The following COMP variants were observed in gnomAD, a reference collection of about 807,000 sequenced individuals.
The protein encoded by COMP is cartilage oligomeric matrix protein (pseudoachondroplasia, epiphyseal dysplasia 1, multiple).
COMP carries 79 observed loss-of-function variants against 95.8 expected under a neutral mutation model. The observed-to-expected ratio is 0.82, with a 90% CI of 0.69 to 0.99. The LOEUF (loss-of-function observed/expected upper bound fraction) is 0.99. COMP is among the 50% of genes least tolerant of loss of function. The probability of loss-of-function intolerance (pLI) is 0.00; values close to 1 mark genes in which losing one functional copy is unlikely to be tolerated. For synonymous variants in COMP, 438 were observed against 433.9 expected, an observed-to-expected ratio of 1.01 and a Z score of -0.12; for missense variants, 906 against 1,076.1, an observed-to-expected ratio of 0.84 and a Z score of 2.21.
chr19:18,790,181 T>A (rs1472241643), intron 3 of COMP, 67 bp from the exon 4 acceptor site: 5 of 1,253,952 alleles, frequency 4.0e-6, no homozygotes, highest in Admixed American at 2.4e-5. Context: ...GAGCCTATCA[T>A]GGCCACGCCC....
rs1349421339 is a variant in COMP, at chr19:18,789,553, G to A, written c.391-256C>T. 1.3e-5 allele frequency among the ~76,000 whole-genome samples: 2 copies of A among 152,044 alleles called. No individual in the cohort carries two copies. Among genetic ancestry groups the A allele is most frequent in the African/African-American group, 4.8e-5 (2 of 41,394 alleles). On this transcript the variant is annotated intron_variant, in intron 4 of 18. Coordinates refer to ENST00000222271, the MANE Select transcript of COMP (RefSeq NM_000095.3). The surrounding 1 kb of genome is among the most constrained non-coding windows in gnomAD (Gnocchi z 6.1). ...GAGGGCGGGCATCCCCAGCAGAGGG[G>A]GGCAGGGGTCGTCGGGGCGTGCGTG...
chr19:18,786,414 G>C (rs2055167695), intron 11 of COMP, 118 bp downstream of exon 11: 3 of 1,533,888 alleles, frequency 2.0e-6, no homozygotes, highest in East Asian at 2.3e-5. Context: ...CAGGCTGCTC[G>C]GACCGAGAGG....
chr19:18,784,082 A>G lies in COMP; in HGVS notation c.2087+109T>C, dbSNP rs765778660. The G allele has an allele frequency of 5.8e-5, 72 of 1,240,882 alleles. No homozygotes were observed. The highest frequency in any genetic ancestry group is 3.3e-5 in the Non-Finnish European group (28 of 848,066). 76.9% of individuals were successfully genotyped at this position (1,240,882 alleles called of 1,614,324 possible). On this transcript the variant is annotated intron_variant, in intron 17 of 18. Coordinates refer to ENST00000222271, the MANE Select transcript of COMP (RefSeq NM_000095.3). The surrounding 1 kb of genome is among the most constrained non-coding windows in gnomAD (Gnocchi z 4.9). The stretch of plus-strand genomic sequence containing the variant: ...ATTCTAACTGCCCTGTATCTTTCCT[A>G]TCGTACAGATGAGGGGACCAGGGTC...
chr19:18,785,555 GTCAAAGA>G lies in COMP; in HGVS notation c.1669-16_1669-10del. The G allele has an allele frequency of 1.2e-6, 2 of 1,614,012 alleles. No individual in the cohort carries two copies. Among genetic ancestry groups the G allele is most frequent in the Non-Finnish European group, 1.7e-6 (2 of 1,180,018 alleles). ...TGCACGATCTCCCTTCCCTGATGGG[GTCAAAGA>G]AAGGAGGGCCTCAGGCTGGCCGTGA... On this transcript the variant is annotated splice_polypyrimidine_tract_variant and intron_variant, in intron 14 of 18. Transcript: ENST00000222271.
At position 18,789,924 on chromosome 19, in the gene COMP, G is replaced by C. The variant is rs2055199371; in HGVS notation, c.390+18C>G. 12 of 1,593,740 alleles carry C rather than the reference G, an allele frequency of 7.5e-6. No individual in the cohort carries two copies. The highest frequency in any genetic ancestry group is 1.0e-5 in the Non-Finnish European group (12 of 1,178,342). ...TAGAGGGAGTCGTCAGGGCGGTGGA[G>C]TGTCGGGGCTAGCGCACCTCGTTGA... On this transcript the variant is annotated intron_variant, in intron 4 of 18. Transcript: ENST00000222271. The surrounding 1 kb of genome is among the most constrained non-coding windows in gnomAD (Gnocchi z 6.1).
chr19:18,790,521 C>G, intron 3 of COMP, 41 bp downstream of exon 3: 1 of 1,611,534 alleles, frequency 6.2e-7, no homozygotes. Flanking sequence ...GTGTCTCTGT[C>G]TCCCGTCTCT....
Position 18,789,806 on chromosome 19 carries a change from C to T in COMP, c.390+136G>A, listed in dbSNP as rs958976223. On this transcript the variant is annotated intron_variant, in intron 4 of 18. Transcript: ENST00000222271. This position sits in a 1 kb window ranked among gnomAD's most constrained non-coding sequence, Gnocchi z 6.1. ...CGTCCCCCCGCGGTAAGGAGGTAGT[C>T]TGGCCGTGCGCCCCCGGAGGTGAGA... The T allele has an allele frequency of 4.4e-6, 5 of 1,145,576 alleles. No homozygotes were observed. Among genetic ancestry groups the T allele is most frequent in the Non-Finnish European group, 6.3e-6 (5 of 793,154 alleles). 71.0% of individuals were successfully genotyped at this position (1,145,576 alleles called of 1,614,324 possible). A position where few individuals can be genotyped will look rare whatever the true frequency, so the allele number is the denominator to read the frequency against.
At chr19:18,785,943 G>T in intron 13 of COMP, 22 bp downstream of exon 13, 2 of 1,041,472 alleles carry the variant, frequency 1.9e-6, no homozygotes, top group African/African-American at 3.3e-5. Flanking sequence ...CGCCCCCACC[G>T]CAGGCCCCGC....
rs1268811741 is a variant in COMP, at chr19:18,789,625, G to A, written c.390+317C>T. ...GGGCGTGCGTTCCCTGGCTGTGGAAGGGTCGTTGGGACTGGCGATCCCCTG... is the reference window on the plus strand; with the variant it reads ...GGGCGTGCGTTCCCTGGCTGTGGAAAGGTCGTTGGGACTGGCGATCCCCTG... On this transcript the variant is annotated intron_variant, in intron 4 of 18. Coordinates refer to ENST00000222271, the MANE Select transcript of COMP (RefSeq NM_000095.3). The surrounding 1 kb of genome is among the most constrained non-coding windows in gnomAD (Gnocchi z 6.1). Among the ~76,000 whole-genome samples the A allele has an allele frequency of 2.0e-5, 3 of 151,892 alleles. No individual in the cohort carries two copies. The highest frequency in any genetic ancestry group is 4.8e-5 in the African/African-American group (2 of 41,336).
chr19:18,789,889 T>TG lies in COMP; in HGVS notation c.390+52dup. 2 of 1,582,024 alleles carry TG rather than the reference T, an allele frequency of 1.3e-6. No individual in the cohort carries two copies. Among genetic ancestry groups the TG allele is most frequent in the Non-Finnish European group, 1.7e-6 (2 of 1,170,648 alleles). On this transcript the variant is annotated intron_variant, in intron 4 of 18. Transcript: ENST00000222271. The surrounding 1 kb of genome is among the most constrained non-coding windows in gnomAD (Gnocchi z 6.1). ...AGGGGTCTCCCGGGCGGCGAGAGAT[T>TG]GGGGGGCGGTAGAGGGAGTCGTCAG... is the stretch of plus-strand genomic sequence containing the variant.
chr19:18,785,374 C>G, intron 15 of COMP, 124 bp downstream of exon 15: 1 of 1,348,366 alleles, frequency 7.4e-7, no homozygotes, highest in Non-Finnish European at 1.0e-6. Context: ...TCTGTCCCCG[C>G]CCTTCCTGAG....
intron 2 of COMP, 62 bp downstream of exon 2, chr19:18,790,788 G>T: frequency 1.3e-6 from 2 of 1,569,546 alleles, no homozygotes; most frequent in Non-Finnish European, 1.7e-6. Flanking sequence ...CTCTCTCCTC[G>T]CTGGGAACTG....
chr19:18,789,877 G>A lies in COMP; in HGVS notation c.390+65C>T. 2 of 1,555,426 alleles carry A rather than the reference G, an allele frequency of 1.3e-6. No homozygotes were observed. The highest frequency in any genetic ancestry group is 3.5e-5 in the Admixed American group (2 of 57,166). On this transcript the variant is annotated intron_variant, in intron 4 of 18. Transcript: ENST00000222271. This position sits in a 1 kb window ranked among gnomAD's most constrained non-coding sequence, Gnocchi z 6.1. Reference sequence around the variant, plus strand: ...CCCAGTGGAGGAAGGGGTCTCCCGGGCGGCGAGAGATTGGGGGGCGGTAGA... The same window carrying A: ...CCCAGTGGAGGAAGGGGTCTCCCGGACGGCGAGAGATTGGGGGGCGGTAGA...
intron 10 of COMP, chr19:18,786,999 C>T: frequency 5.9e-6 from 2 of 339,646 alleles, no homozygotes; most frequent in South Asian, 5.2e-5. Context: ...TCTCGAACTC[C>T]TGACCTCGTG....
chr19:18,787,360 T>C (rs2055174643), intron 10 of COMP, 131 bp downstream of exon 10: 1 of 1,338,894 alleles, frequency 7.5e-7, no homozygotes, highest in Admixed American at 1.9e-5. Context: ...CACCATGGTC[T>C]TTGGTCCAGG....
In COMP at chr19:18,791,218, C is replaced by T; in HGVS notation, c.52G>A (p.Ala18Thr). The T allele has an allele frequency of 3.8e-6, 6 of 1,594,578 alleles. No homozygotes were observed. The highest frequency in any genetic ancestry group is 5.1e-6 in the Non-Finnish European group (6 of 1,172,220). Residue 18 changes from alanine (A) to threonine (T), a missense_variant, in exon 1 of 19, where the codon GCG becomes ACG. Physicochemically the swap from Ala to Thr is moderately conservative, Grantham distance 58. Transcript: ENST00000222271. ...VLLLTLAALG[A>T]SGQGQSPLGS... is the part of the protein sequence containing the mutation. ...AACGGGCTCTGGCCCTGTCCGGACG[C>T]GCCGAGGGCAGCCAGGGTGAGCAGA... is the stretch of plus-strand genomic sequence containing the variant.
intron 3 of COMP, among the ~76,000 whole-genome samples, chr19:18,790,321 C>G (rs1299214526): frequency 6.6e-6 from 1 of 150,908 alleles, no homozygotes; most frequent in Admixed American, 6.6e-5. Flanking sequence ...TTCTCTGAGT[C>G]TCTGTCCCGC....
rs2055191270 is a variant in COMP, at chr19:18,789,026, T to A, written c.529-113A>T. ...TCCCCTCCATCCTGCCCCAAACCGA[T>A]CAGCCCTGGCGCAGCGGACCCCTCC... On this transcript the variant is annotated intron_variant, in intron 5 of 18. Transcript: ENST00000222271. The surrounding 1 kb of genome is among the most constrained non-coding windows in gnomAD (Gnocchi z 6.1). 6.5e-7 allele frequency: 1 copy of A among 1,544,444 alleles called. No individual in the cohort carries two copies. Among genetic ancestry groups the A allele is most frequent in the African/African-American group, 1.4e-5 (1 of 73,782 alleles).
In COMP at chr19:18,783,168, G is replaced by A. The variant is rs1218898336; in HGVS notation, c.2113C>T (p.Leu705=). 1 of 1,609,152 alleles carries A rather than the reference G, an allele frequency of 6.2e-7. No individual in the cohort carries two copies. The highest frequency in any genetic ancestry group is 1.1e-5 in the South Asian group (1 of 91,088). ...IRVRFYEGPE[L]VADSNVVLDT... ...AAGACCACGTTGCTGTCGGCCACCA[G>A]CTCAGGGCCCTCATAGAATCGCACC... The change falls in exon 18 of 19, where the codon CTG becomes TTG. Residue 705 remains leucine (L), a synonymous_variant. Coordinates refer to ENST00000222271, the MANE Select transcript of COMP (RefSeq NM_000095.3).
Sources: allele counts gnomAD v4.1 joint callset (sites outside exome capture counted in the v4.1 genomes callset), GRCh38; gene constraint gnomAD v4.1.1; non-coding constraint Gnocchi (gnomAD v3.1); transcripts MANE v1.5; gene names NCBI Gene and HGNC (gene_info 2026-07-23, HGNC 2026-07-21).